Variants in MAF observed in about 807,000 individuals in gnomAD.
MAF encodes transcription factor Maf.
Under a neutral mutation model 22.0 loss-of-function variants are expected in MAF, and 10 were observed. That is an observed-to-expected ratio of 0.45 (90% CI 0.28 to 0.77). The LOEUF (loss-of-function observed/expected upper bound fraction) is 0.77, where lower values mean the gene tolerates loss of function less well. MAF is among the 30% of genes least tolerant of loss of function. MAF has a pLI of 0.12. For synonymous variants in MAF, 337 were observed against 255.8 expected (o/e 1.32, Z -3.03); for missense variants, 544 against 548.4 (o/e 0.99, Z 0.08).
chr16:79,383,217 G>C, the MAF span, among the ~76,000 whole-genome samples: 1 of 152,018 alleles, frequency 6.6e-6, no homozygotes, highest in Non-Finnish European at 1.5e-5. Context: ...TGAAACCCTG[G>C]ACTGGGGTGG....
chr16:79,287,127 T>A, the MAF span, among the ~76,000 whole-genome samples: 5 of 152,012 alleles, frequency 3.3e-5, no homozygotes, highest in Non-Finnish European at 7.4e-5. Flanking sequence ...CCTTTTTTTT[T>A]TTTTTTTTTC....
At chr16:79,531,385 G>A in the MAF span, among the ~76,000 whole-genome samples, 23 of 152,180 alleles carry the variant, frequency 1.5e-4, no homozygotes, top group South Asian at 3.7e-3. Context: ...ATTTTTCCAT[G>A]GACTGGGAGT....
chr16:79,321,095 T>C, the MAF span, among the ~76,000 whole-genome samples: 1 of 152,232 alleles, frequency 6.6e-6, no homozygotes, highest in Non-Finnish European at 1.5e-5. Flanking sequence ...GTTTGTTTAC[T>C]CAGTGATGCA....
chr16:79,214,036 G>C, the MAF span, among the ~76,000 whole-genome samples: 2 of 152,168 alleles, frequency 1.3e-5, no homozygotes, highest in African/African-American at 4.8e-5. Context: ...GTGCATATTT[G>C]CTGTTTCCTC....
At chr16:79,344,789 A>T in the MAF span, among the ~76,000 whole-genome samples, 2 of 152,194 alleles carry the variant, frequency 1.3e-5, no homozygotes, top group Non-Finnish European at 2.9e-5. Context: ...TTTTTAACAC[A>T]TGCTTCCAAT....
the MAF span, among the ~76,000 whole-genome samples, chr16:79,383,598 T>G: frequency 6.6e-6 from 1 of 152,212 alleles, no homozygotes; most frequent in Non-Finnish European, 1.5e-5. Context: ...CAGGCCTCAA[T>G]TATCAGCAGA....
At chr16:79,514,336 T>C in the MAF span, among the ~76,000 whole-genome samples, 1 of 152,262 alleles carries the variant, frequency 6.6e-6, no homozygotes, top group South Asian at 2.1e-4. Context: ...TTGTCTTTTG[T>C]TTTGGTGGGG....
the MAF span, among the ~76,000 whole-genome samples, chr16:79,309,688 G>C: frequency 1.3e-5 from 2 of 152,198 alleles, no homozygotes; most frequent in African/African-American, 4.8e-5. Context: ...GAGTTGTTTA[G>C]AAGTGTGCTC....
At chr16:79,369,945 G>T in the MAF span, among the ~76,000 whole-genome samples, 3 of 152,224 alleles carry the variant, frequency 2.0e-5, no homozygotes, top group African/African-American at 7.2e-5. Context: ...CCCACAGAGG[G>T]CCTCTCCCAA....
the MAF span, among the ~76,000 whole-genome samples, chr16:79,418,879 C>A: frequency 6.6e-6 from 1 of 152,196 alleles, no homozygotes; most frequent in East Asian, 1.9e-4. Flanking sequence ...CCCACACAAA[C>A]TCCGTCTCCT....
chr16:79,514,046 T>C, the MAF span, among the ~76,000 whole-genome samples: 1 of 152,244 alleles, frequency 6.6e-6, no homozygotes, highest in Admixed American at 6.5e-5. Context: ...GTCTATTTTA[T>C]CCCTCCTTCC....
At chr16:79,365,236 T>C in the MAF span, among the ~76,000 whole-genome samples, 1 of 152,220 alleles carries the variant, frequency 6.6e-6, no homozygotes, top group African/African-American at 2.4e-5. Context: ...AAGTTTGCTC[T>C]ATGTTTTTCC....
the MAF span, among the ~76,000 whole-genome samples, chr16:79,561,288 C>T: frequency 6.6e-6 from 1 of 151,542 alleles, no homozygotes; most frequent in Non-Finnish European, 1.5e-5. Context: ...TAAAATTTCC[C>T]TCTCTTCCTA....
the MAF span, among the ~76,000 whole-genome samples, chr16:79,309,418 A>G: frequency 1.3e-5 from 2 of 152,042 alleles, no homozygotes; most frequent in Non-Finnish European, 2.9e-5. Context: ...CTCATACCCC[A>G]CTTCTTTTCT....
the MAF span, among the ~76,000 whole-genome samples, chr16:79,481,941 A>C: frequency 6.6e-6 from 1 of 152,084 alleles, no homozygotes; most frequent in Non-Finnish European, 1.5e-5. Context: ...CTTAGAGAAA[A>C]TTTGTCAGAC....
At chr16:79,315,695 T>G in the MAF span, among the ~76,000 whole-genome samples, 1 of 152,162 alleles carries the variant, frequency 6.6e-6, no homozygotes, top group Non-Finnish European at 1.5e-5. Context: ...GCTGGGTGGG[T>G]GGCATTTTAC....
the MAF span, among the ~76,000 whole-genome samples, chr16:79,386,384 C>T: frequency 6.6e-6 from 1 of 152,130 alleles, no homozygotes; most frequent in Admixed American, 6.5e-5. Flanking sequence ...ACCCAGATCC[C>T]TCAGATGTGC....
At chr16:79,390,467 A>T in the MAF span, among the ~76,000 whole-genome samples, 1 of 152,176 alleles carries the variant, frequency 6.6e-6, no homozygotes, top group Non-Finnish European at 1.5e-5. Flanking sequence ...ATTTTTCGGA[A>T]CATAATTTGT....
chr16:79,232,087 C>G, the MAF span, among the ~76,000 whole-genome samples: 1 of 151,972 alleles, frequency 6.6e-6, no homozygotes, highest in Non-Finnish European at 1.5e-5. Context: ...CAATGGGGAA[C>G]GGCTGCAATT....
Sources: allele counts gnomAD v4.1 joint callset (sites outside exome capture counted in the v4.1 genomes callset), GRCh38; gene constraint gnomAD v4.1.1; transcripts MANE v1.5; gene names NCBI Gene and HGNC (gene_info 2026-07-23, HGNC 2026-07-21).